Variants in KCNJ10 observed in about 807,000 individuals in gnomAD.
KCNJ10 encodes ATP-sensitive inward rectifier potassium channel 10.
A neutral mutation model predicts 22.2 loss-of-function variants in KCNJ10; 9 were observed. The ratio of observed to expected loss-of-function variants is 0.40; its 90% CI spans 0.24 to 0.71. The LOEUF is 0.71. Ranked by LOEUF, KCNJ10 falls within the 30% of genes least tolerant of loss-of-function variation. The pLI is 0.35. For missense variants in KCNJ10, 337 were observed against 482.7 expected (o/e 0.70, Z 2.83); for synonymous variants, 184 against 187.3 (o/e 0.98, Z 0.15).
intron 1 of KCNJ10, among the ~76,000 whole-genome samples, chr1:160,057,930 G>A (rs1051331304): frequency 1.2e-4 from 19 of 152,022 alleles, no homozygotes; most frequent in Non-Finnish European, 2.4e-4. Context: ...AGGTAGTGGC[G>A]GGTAGGGGAG....
intron 1 of KCNJ10, among the ~76,000 whole-genome samples, chr1:160,057,179 A>C (rs1174024087): frequency 6.6e-6 from 1 of 152,246 alleles, no homozygotes; most frequent in Non-Finnish European, 1.5e-5. Context: ...TTATGCAAAT[A>C]AAGATGTTAT....
At position 160,041,768 on chromosome 1, in the gene KCNJ10, G is replaced by A. The variant is rs746776353; in HGVS notation, c.765C>T (p.Phe255=). 7.4e-6 allele frequency: 12 copies of A among 1,614,074 alleles called. No individual in the cohort carries two copies. ...DSPFLILPLT[F]YHVVDETSPL... ...GACTGGTCTCATCTACCACATGATAGAAGGTAAGGGGTAGAATAAGGAAGG... is the reference window on the plus strand; with the variant it reads ...GACTGGTCTCATCTACCACATGATAAAAGGTAAGGGGTAGAATAAGGAAGG... The change falls in exon 2 of 2, where the codon TTC becomes TTT. Residue 255 remains phenylalanine, a synonymous_variant. Coordinates refer to ENST00000644903, the MANE Select transcript of KCNJ10 (RefSeq NM_002241.5). This position sits in a 1 kb window ranked among gnomAD's most constrained non-coding sequence, Gnocchi z 4.4.
rs770365142 is a variant in KCNJ10, at chr1:160,041,576, G to T, written c.957C>A (p.Ala319=). ...TAAAGTCAGCTATGTATTTACCACT[G>T]GCTGACAGTGAGATGGCAGGTGTGA... is the stretch of plus-strand genomic sequence containing the variant. ...YEFTPAISLS[A]SGKYIADFSL... is the part of the protein sequence containing the mutation. Residue 319 remains alanine, a synonymous_variant, in exon 2 of 2, where the codon GCC becomes GCA. Transcript: ENST00000644903. This position sits in a 1 kb window ranked among gnomAD's most constrained non-coding sequence, Gnocchi z 4.4. 6.2e-7 allele frequency: 1 copy of T among 1,614,184 alleles called. No individual in the cohort carries two copies. The highest frequency in any genetic ancestry group is 8.5e-7 in the Non-Finnish European group (1 of 1,180,024).
In KCNJ10 at chr1:160,061,600, C is replaced by T. The variant is rs373362617; in HGVS notation, c.-1+8422G>A. On this transcript the variant is annotated intron_variant, in intron 1 of 1. Transcript: ENST00000644903. ...TATAAGCAGGTGCAGTCTGGGGCAG[C>T]GGGACATTCTTAGCCCCAGGGCCAC... Among the ~76,000 whole-genome samples the T allele has an allele frequency of 2.4e-4, 37 of 151,980 alleles. 2 individuals are homozygous for T. The South Asian group carries it at 6.7e-3, about 27-fold the overall frequency.
At chr1:160,053,623 TG>T (rs1430825297) in intron 1 of KCNJ10, among the ~76,000 whole-genome samples, 1 of 151,942 alleles carries the variant, frequency 6.6e-6, no homozygotes, top group African/African-American at 2.4e-5. Flanking sequence ...TGTGTGTGTG[TG>T]TGTGTGTGTC....
rs1648615523 is a variant in KCNJ10, at chr1:160,041,891, T to C, written c.642A>G (p.Thr214=). The C allele has an allele frequency of 2.5e-6, 4 of 1,614,192 alleles. No individual in the cohort carries two copies. The highest frequency in any genetic ancestry group is 1.3e-5 in the African/African-American group (1 of 75,050). ...RKSLLIGCQV[T]GKLLQTHQTK... is the part of the protein sequence containing the mutation. The stretch of plus-strand genomic sequence containing the variant: ...TTTGGTGGGTCTGAAGCAGTTTTCC[T>C]GTCACCTGGCAGCCAATGAGGAGGC... The change falls in exon 2 of 2, where the codon ACA becomes ACG. Residue 214 remains threonine (T), a synonymous_variant. Coordinates refer to ENST00000644903, the MANE Select transcript of KCNJ10 (RefSeq NM_002241.5). This position sits in a 1 kb window ranked among gnomAD's most constrained non-coding sequence, Gnocchi z 4.4.
chr1:160,051,037 G>A (rs566957601), intron 1 of KCNJ10, among the ~76,000 whole-genome samples: 59 of 152,108 alleles, frequency 3.9e-4, no homozygotes, highest in African/African-American at 1.4e-3. Flanking sequence ...TCCACCTCCC[G>A]GGTTCAAGCG....
chr1:160,062,080 G>A (rs930172384), intron 1 of KCNJ10, among the ~76,000 whole-genome samples: 105 of 152,116 alleles, frequency 6.9e-4, no homozygotes, highest in African/African-American at 2.4e-3. Flanking sequence ...CTCCTCCACA[G>A]ACTGCCCCTG....
At chr1:160,069,355 C>T (rs917863900) in intron 1 of KCNJ10, among the ~76,000 whole-genome samples, 3 of 152,202 alleles carry the variant, frequency 2.0e-5, no homozygotes, top group Non-Finnish European at 4.4e-5. Flanking sequence ...ATCTGCCCTT[C>T]TCACTCTAGC....
At chr1:160,061,642 C>T (rs1243151448) in intron 1 of KCNJ10, among the ~76,000 whole-genome samples, 1 of 151,558 alleles carries the variant, frequency 6.6e-6, no homozygotes, top group African/African-American at 2.4e-5. Context: ...AAGGTCACAA[C>T]AAGTGCAAAC....
chr1:160,051,105 AGCTGGCCAGCTGGCCACCAT>A (rs1648892296), intron 1 of KCNJ10, among the ~76,000 whole-genome samples: 1 of 150,452 alleles, frequency 6.6e-6, no homozygotes, highest in African/African-American at 2.5e-5. Flanking sequence ...CACCATAACC[AGCTGGCCAGCTGGCCACCAT>A]GTTGGCCAGG....
At chr1:160,059,067 T>A (rs988111923) in intron 1 of KCNJ10, among the ~76,000 whole-genome samples, 1 of 152,124 alleles carries the variant, frequency 6.6e-6, no homozygotes, top group African/African-American at 2.4e-5. Context: ...CCGTGCTTCA[T>A]CCTAGCCTCC....
chr1:160,045,802 A>G (rs565946234), intron 1 of KCNJ10, among the ~76,000 whole-genome samples: 108 of 152,352 alleles, frequency 7.1e-4, no homozygotes, highest in African/African-American at 2.5e-3. Flanking sequence ...AGAAAGATAT[A>G]ATGAATGTGT....
At chr1:160,057,810 C>G (rs968541619) in intron 1 of KCNJ10, among the ~76,000 whole-genome samples, 1 of 152,116 alleles carries the variant, frequency 6.6e-6, no homozygotes, top group Non-Finnish European at 1.5e-5. Flanking sequence ...GGGAGGCTGA[C>G]CAGATCCCAG....
At chr1:160,042,590 C>G in intron 1 of KCNJ10, 58 bp from the exon 2 acceptor site, 1 of 1,450,572 alleles carries the variant, frequency 6.9e-7, no homozygotes, top group Non-Finnish European at 9.7e-7. Flanking sequence ...TGACTCCTAA[C>G]CCTCACCCCA....
In KCNJ10 at chr1:160,041,963, G is replaced by T; in HGVS notation, c.570C>A (p.His190Gln). Reference sequence around the variant, plus strand: ...GGATCATGAGGCAGGGCTTGCCATTGTGGGAGGCCACAACTGCATGCTGGC... The same window carrying T: ...GGATCATGAGGCAGGGCTTGCCATTTTGGGAGGCCACAACTGCATGCTGGC... ...RFSQHAVVAS[H>Q]NGKPCLMIRV... Residue 190 changes from histidine (H) to glutamine (Q), a missense_variant, in exon 2 of 2, where the codon CAC (histidine) becomes CAA (glutamine). Physicochemically the swap from His to Gln is conservative, Grantham distance 24 (BLOSUM62 0). Coordinates refer to ENST00000644903, the MANE Select transcript of KCNJ10 (RefSeq NM_002241.5). This position sits in a 1 kb window ranked among gnomAD's most constrained non-coding sequence, Gnocchi z 4.4. 1 of 1,605,878 alleles carries T rather than the reference G, an allele frequency of 6.2e-7. No individual in the cohort carries two copies.
chr1:160,050,854 GC>G (rs1648885294), intron 1 of KCNJ10, among the ~76,000 whole-genome samples: 1 of 152,042 alleles, frequency 6.6e-6, no homozygotes, highest in African/African-American at 2.4e-5. Context: ...CAGCTGCAGG[GC>G]CAGGGTCAGG....
chr1:160,040,944 C>T lies in KCNJ10; in HGVS notation c.*449G>A. ...CCTGTATTTCTGAAAGCACAGACCA[C>T]AAAGTGACCATCAGAGAGAGTCTTG... is the stretch of plus-strand genomic sequence containing the variant. On this transcript the variant is annotated 3_prime_UTR_variant, in exon 2 of 2. Coordinates refer to ENST00000644903, the MANE Select transcript of KCNJ10 (RefSeq NM_002241.5). 3.2e-6 allele frequency: 1 copy of T among 308,944 alleles called. No homozygotes were observed. The allele number at this position is 308,944 out of a possible 1,614,324, so 19.1% of individuals were successfully genotyped here.
intron 1 of KCNJ10, among the ~76,000 whole-genome samples, chr1:160,054,153 C>T (rs776539742): frequency 6.6e-6 from 1 of 152,226 alleles, no homozygotes; most frequent in Non-Finnish European, 1.5e-5. Context: ...GGTGCTGCCT[C>T]TTTGATGCAC....
Sources: allele counts gnomAD v4.1 joint callset (sites outside exome capture counted in the v4.1 genomes callset), GRCh38; gene constraint gnomAD v4.1.1; non-coding constraint Gnocchi (gnomAD v3.1); transcripts MANE v1.5; gene names NCBI Gene and HGNC (gene_info 2026-07-23, HGNC 2026-07-21).